PRKN: variants seen among roughly 807,000 people sequenced by gnomAD.
PRKN encodes parkin RBR E3 ubiquitin protein ligase.
Under a neutral mutation model 59.5 loss-of-function variants are expected in PRKN, and 56 were observed. The ratio of observed to expected loss-of-function variants is 0.94; its 90% confidence interval spans 0.76 to 1.18. The LOEUF (loss-of-function observed/expected upper bound fraction) is 1.18. PRKN is among the 50% of genes most tolerant of loss of function. PRKN has a pLI of 0.00. For synonymous variants in PRKN, 250 were observed against 222.1 expected (o/e 1.13, Z -1.12); for missense variants, 657 against 596.4 (o/e 1.10, Z -1.06).
At position 161,517,739 on chromosome 6, in the gene PRKN, CAAAAAAAAAAAA is replaced by C. The variant is rs3032892; in HGVS notation, c.1083+31103_1083+31114del. Among the ~76,000 whole-genome samples the C allele has an allele frequency of 2.1e-3, 102 of 48,392 alleles. 1 individual carries two copies. The highest frequency in any genetic ancestry group is 8.7e-3 in the African/African-American group (97 of 11,176). The allele number at this position is 48,392 out of a possible 152,430, so 31.7% of individuals were successfully genotyped here. The stretch of plus-strand genomic sequence containing the variant: ...TGGGTGACAGAGTGAGACTCTATCT[CAAAAAAAAAAAA>C]AAAAAAAAAAAAAAGAGTTGAGGTG... On this transcript the variant is annotated intron_variant, in intron 9 of 11. Transcript: ENST00000366898.
intron 7 of PRKN, among the ~76,000 whole-genome samples, chr6:161,572,446 G>T (rs187447120): frequency 6.6e-6 from 1 of 152,168 alleles, no homozygotes; most frequent in South Asian, 2.1e-4. Flanking sequence ...AGGATCACAA[G>T]GTCAGGAGTT....
At chr6:161,394,591 G>A (rs1345950932) in intron 9 of PRKN, among the ~76,000 whole-genome samples, 3 of 152,028 alleles carry the variant, frequency 2.0e-5, no homozygotes, top group African/African-American at 4.8e-5. Context: ...ATCATCATGC[G>A]CGTGCACGTA....
intron 1 of PRKN, among the ~76,000 whole-genome samples, chr6:162,534,457 T>G (rs1351540437): frequency 1.3e-5 from 2 of 152,144 alleles, no homozygotes; most frequent in African/African-American, 2.4e-5. Context: ...CTTGGCACGG[T>G]GCTTTGCAAT....
chr6:162,345,939 G>A (rs992686437), intron 2 of PRKN, among the ~76,000 whole-genome samples: 3 of 152,004 alleles, frequency 2.0e-5, no homozygotes, highest in Non-Finnish European at 4.4e-5. Flanking sequence ...ATTAGATAAG[G>A]CCATCAGAGT....
chr6:161,713,098 T>G (rs1290721551), intron 7 of PRKN, among the ~76,000 whole-genome samples: 1 of 152,168 alleles, frequency 6.6e-6, no homozygotes, highest in Non-Finnish European at 1.5e-5. Context: ...ATGGGTAAGA[T>G]TAATTTGCTG....
chr6:162,583,763 T>C (rs1311125159), intron 1 of PRKN, among the ~76,000 whole-genome samples: 4 of 152,016 alleles, frequency 2.6e-5, no homozygotes, highest in Non-Finnish European at 5.9e-5. Flanking sequence ...AATTACCAAA[T>C]AGCAAATGAT....
intron 6 of PRKN, among the ~76,000 whole-genome samples, chr6:161,872,499 G>A (rs767377247): frequency 1.3e-5 from 2 of 152,046 alleles, no homozygotes; most frequent in Non-Finnish European, 2.9e-5. Context: ...ATACCTCATA[G>A]CCAGCATCAG....
chr6:162,276,532 TTC>T (rs1297614638), intron 2 of PRKN, among the ~76,000 whole-genome samples: 1 of 152,210 alleles, frequency 6.6e-6, no homozygotes, highest in Non-Finnish European at 1.5e-5. Flanking sequence ...AAATATTTAA[TTC>T]TGTTTTATAA....
chr6:162,554,942 G>C (rs1373092935), intron 1 of PRKN, among the ~76,000 whole-genome samples: 2 of 152,162 alleles, frequency 1.3e-5, no homozygotes, highest in African/African-American at 4.8e-5. Context: ...TTATAGAAAG[G>C]AGGAATTCTG....
intron 6 of PRKN, among the ~76,000 whole-genome samples, chr6:161,848,596 T>A (rs569727338): frequency 6.6e-6 from 1 of 152,342 alleles, no homozygotes; most frequent in Admixed American, 6.5e-5. Flanking sequence ...TGGGTATGTC[T>A]TACATCTAAT....
At chr6:162,664,511 C>T (rs1779020799) in intron 1 of PRKN, among the ~76,000 whole-genome samples, 1 of 152,150 alleles carries the variant, frequency 6.6e-6, no homozygotes, top group Non-Finnish European at 1.5e-5. Context: ...TTCCTACCAC[C>T]AGTGTAAAAG....
chr6:162,209,331 C>T (rs1785091776), intron 3 of PRKN, among the ~76,000 whole-genome samples: 1 of 152,148 alleles, frequency 6.6e-6, no homozygotes, highest in African/African-American at 2.4e-5. Flanking sequence ...GACAGCTATG[C>T]AGCCAACAGA....
At chr6:162,406,886 G>A (rs956573386) in intron 2 of PRKN, among the ~76,000 whole-genome samples, 1 of 151,996 alleles carries the variant, frequency 6.6e-6, no homozygotes, top group Non-Finnish European at 1.5e-5. Context: ...TTATTTAGTA[G>A]ATCTGGTATG....
chr6:161,899,082 C>A (rs529084730), intron 6 of PRKN, among the ~76,000 whole-genome samples: 1 of 152,216 alleles, frequency 6.6e-6, no homozygotes, highest in Admixed American at 6.5e-5. Context: ...CTTCAAGGAC[C>A]GGCCAGAGTC....
At chr6:162,026,065 A>T (rs911067423) in intron 5 of PRKN, among the ~76,000 whole-genome samples, 11 of 152,180 alleles carry the variant, frequency 7.2e-5, no homozygotes, top group African/African-American at 2.2e-4. Context: ...ACTTGTCAGC[A>T]TAGCTACATG....
chr6:162,522,481 T>C (rs1391043323), intron 1 of PRKN, among the ~76,000 whole-genome samples: 1 of 152,250 alleles, frequency 6.6e-6, no homozygotes, highest in Non-Finnish European at 1.5e-5. Flanking sequence ...GCTATTGGTC[T>C]ATACCATCAT....
chr6:161,917,305 C>G (rs1365825199), intron 6 of PRKN, among the ~76,000 whole-genome samples: 4 of 152,034 alleles, frequency 2.6e-5, no homozygotes, highest in Admixed American at 2.0e-4. Context: ...AGGGTTTTGC[C>G]ATATTGGCCA....
intron 1 of PRKN, among the ~76,000 whole-genome samples, chr6:162,470,905 C>T (rs186400822): frequency 9.3e-5 from 14 of 150,538 alleles, no homozygotes; most frequent in Admixed American, 4.0e-4. Flanking sequence ...TACAGGTGTG[C>T]GCCACCATGC....
intron 9 of PRKN, among the ~76,000 whole-genome samples, chr6:161,508,185 A>C (rs906856766): frequency 6.6e-6 from 1 of 152,204 alleles, no homozygotes; most frequent in African/African-American, 2.4e-5. Context: ...GTGTTAATTC[A>C]ATAGCAAAAA....
Sources: gnomAD v4.1 joint callset for allele counts (sites outside exome capture counted in the v4.1 genomes callset) on GRCh38, gnomAD v4.1.1 for gene constraint, MANE v1.5 for transcripts, NCBI Gene and HGNC (gene_info 2026-07-23, HGNC 2026-07-21) for gene names.